The following MTCL2 variants were observed in gnomAD, a reference collection of about 807,000 sequenced individuals.
The protein encoded by MTCL2 is microtubule cross-linking factor 2.
chr20:36,855,439 G>A, the MTCL2 span, among the ~76,000 whole-genome samples: 1 of 152,222 alleles, frequency 6.6e-6, no homozygotes, highest in Non-Finnish European at 1.5e-5. Context: ...CGCAAAGCAG[G>A]TAGATGCAGT....
the MTCL2 span, among the ~76,000 whole-genome samples, chr20:36,802,697 A>G: frequency 3.3e-5 from 5 of 152,210 alleles, no homozygotes; most frequent in Non-Finnish European, 7.4e-5. Context: ...TGCATTCTCT[A>G]AGTGCCTGGA....
At chr20:36,798,902 G>A in the MTCL2 span, among the ~76,000 whole-genome samples, 3 of 152,096 alleles carry the variant, frequency 2.0e-5, no homozygotes, top group South Asian at 2.1e-4. Flanking sequence ...AGTAGGCTAC[G>A]GCTAGGACTA....
At chr20:36,831,407 C>T in the MTCL2 span, among the ~76,000 whole-genome samples, 1 of 152,142 alleles carries the variant, frequency 6.6e-6, no homozygotes, top group Non-Finnish European at 1.5e-5. Context: ...GCCCAGGTTT[C>T]GCCAGCAGGA....
the MTCL2 span, chr20:36,810,218 C>A: frequency 7.6e-7 from 1 of 1,308,252 alleles, no homozygotes; most frequent in Non-Finnish European, 1.0e-6. Flanking sequence ...ATGTTGGACC[C>A]AAGCTGTCCA....
At chr20:36,816,430 C>T in the MTCL2 span, 1 of 827,628 alleles carries the variant, frequency 1.2e-6, no homozygotes, top group Non-Finnish European at 1.9e-6. Flanking sequence ...CAGCCAGACC[C>T]TCAAGGAGCT....
At chr20:36,790,954 A>G in the MTCL2 span, among the ~76,000 whole-genome samples, 2 of 152,206 alleles carry the variant, frequency 1.3e-5, no homozygotes, top group East Asian at 1.9e-4. Context: ...CGCACTCGCC[A>G]CACACTGCTG....
the MTCL2 span, among the ~76,000 whole-genome samples, chr20:36,835,311 G>T: frequency 6.6e-6 from 1 of 152,152 alleles, no homozygotes; most frequent in Non-Finnish European, 1.5e-5. Context: ...TGGGGGTTGG[G>T]GGGGGGCACT....
the MTCL2 span, among the ~76,000 whole-genome samples, chr20:36,831,166 T>G: frequency 2.6e-5 from 4 of 152,174 alleles, no homozygotes; most frequent in Non-Finnish European, 5.9e-5. Flanking sequence ...GCTGGGAAAT[T>G]GCAACCAGAC....
chr20:36,833,968 G>C, the MTCL2 span, among the ~76,000 whole-genome samples: 3 of 152,114 alleles, frequency 2.0e-5, no homozygotes, highest in Non-Finnish European at 4.4e-5. Flanking sequence ...TTCGAGACCA[G>C]ACCGGTCAAC....
chr20:36,833,076 G>A, the MTCL2 span, among the ~76,000 whole-genome samples: 1 of 152,182 alleles, frequency 6.6e-6, no homozygotes, highest in Non-Finnish European at 1.5e-5. Flanking sequence ...GAAAGGAAAG[G>A]TCACTTCCCA....
At chr20:36,803,198 A>G in the MTCL2 span, 97 of 1,476,218 alleles carry the variant, frequency 6.6e-5, 7 homozygotes, top group South Asian at 1.3e-3. Context: ...CAGCGGGGAA[A>G]AGGGGAGAGG....
chr20:36,783,737 A>C, the MTCL2 span: 1 of 983,830 alleles, frequency 1.0e-6, no homozygotes, highest in Non-Finnish European at 1.2e-6. Context: ...TGTTACCAAG[A>C]CTTAAAAGGC....
chr20:36,815,003 A>T, the MTCL2 span: 6 of 926,186 alleles, frequency 6.5e-6, no homozygotes, highest in Middle Eastern at 3.1e-4. The surrounding 1 kb of genome is among the most constrained non-coding windows in gnomAD (Gnocchi z 5.3). Flanking sequence ...TCGAGGCTGC[A>T]GTGAACTGAG....
the MTCL2 span, among the ~76,000 whole-genome samples, chr20:36,800,691 A>T: frequency 1.3e-5 from 2 of 152,252 alleles, no homozygotes; most frequent in Admixed American, 6.5e-5. Flanking sequence ...AATACCTAAG[A>T]TCCATAAACT....
At chr20:36,804,620 G>T in the MTCL2 span, 1 of 1,388,352 alleles carries the variant, frequency 7.2e-7, no homozygotes, top group Non-Finnish European at 9.9e-7. Flanking sequence ...CACAGGTGAA[G>T]CAACGGCATT....
chr20:36,829,042 T>C, the MTCL2 span: 1 of 1,538,230 alleles, frequency 6.5e-7, no homozygotes. Flanking sequence ...GCTGGATGCA[T>C]GAGGTCCTCA....
the MTCL2 span, among the ~76,000 whole-genome samples, chr20:36,836,132 C>A: frequency 6.7e-6 from 1 of 148,302 alleles, no homozygotes; most frequent in East Asian, 2.0e-4. Context: ...CGGGAGCTGC[C>A]CTGTCAAGTA....
chr20:36,827,466 G>A, the MTCL2 span, among the ~76,000 whole-genome samples: 1 of 149,920 alleles, frequency 6.7e-6, no homozygotes, highest in African/African-American at 2.5e-5. Flanking sequence ...TAAGTAGCTG[G>A]GACTACAGGC....
At chr20:36,831,894 CCT>C in the MTCL2 span, among the ~76,000 whole-genome samples, 1 of 152,310 alleles carries the variant, frequency 6.6e-6, no homozygotes, top group Admixed American at 6.5e-5. Flanking sequence ...CCAGTAAGCC[CCT>C]GTCCTGATCA....
Sources: allele counts gnomAD v4.1 joint callset (sites outside exome capture counted in the v4.1 genomes callset), GRCh38; gene constraint gnomAD v4.1.1; non-coding constraint Gnocchi (gnomAD v3.1); transcripts MANE v1.5; gene names NCBI Gene and HGNC (gene_info 2026-07-23, HGNC 2026-07-21).